Variants in GABRG3 observed in about 807,000 individuals in gnomAD.
The protein encoded by GABRG3 is gamma-aminobutyric acid receptor subunit gamma-3.
A neutral mutation model predicts 48.8 loss-of-function variants in GABRG3; 25 were observed. The observed-to-expected ratio is 0.51, with a 90% confidence interval of 0.37 to 0.72. The LOEUF is 0.72. GABRG3 is among the 30% of genes least tolerant of loss of function. The pLI is 0.00. For missense variants in GABRG3, 394 were observed against 577.9 expected (o/e 0.68, Z 3.26); for synonymous variants, 227 against 217.6 (o/e 1.04, Z -0.38).
intron 3 of GABRG3, among the ~76,000 whole-genome samples, chr15:27,070,347 G>A (rs994274267): frequency 1.4e-4 from 21 of 152,198 alleles, no homozygotes; most frequent in African/African-American, 5.1e-4. Context: ...ATGACCATAT[G>A]CCAAGTTGAA....
chr15:27,186,435 C>T (rs1053636140), intron 3 of GABRG3, among the ~76,000 whole-genome samples: 4 of 152,032 alleles, frequency 2.6e-5, no homozygotes, highest in African/African-American at 9.7e-5. Context: ...AAGTTGACTC[C>T]CTGTCATTGC....
At chr15:27,099,739 A>G (rs1294616694) in intron 3 of GABRG3, among the ~76,000 whole-genome samples, 2 of 152,138 alleles carry the variant, frequency 1.3e-5, no homozygotes, top group African/African-American at 2.4e-5. Flanking sequence ...AAAATGTTCA[A>G]GAATCCCTGG....
intron 3 of GABRG3, among the ~76,000 whole-genome samples, chr15:27,213,559 G>A (rs1185494899): frequency 6.6e-6 from 1 of 152,150 alleles, no homozygotes; most frequent in African/African-American, 2.4e-5. Flanking sequence ...TTTGAAAACT[G>A]GCCTGTTTCA....
intron 3 of GABRG3, among the ~76,000 whole-genome samples, chr15:27,210,626 C>T (rs952338251): frequency 1.2e-4 from 18 of 152,206 alleles, no homozygotes; most frequent in Non-Finnish European, 2.2e-4. Context: ...TCTCAGAGTG[C>T]ATGCAGACAG....
At chr15:27,383,889 G>A (rs902295060) in intron 5 of GABRG3, among the ~76,000 whole-genome samples, 8 of 152,086 alleles carry the variant, frequency 5.3e-5, no homozygotes, top group African/African-American at 1.2e-4. Context: ...TTCCATGTTC[G>A]TTTTCATAAT....
At chr15:27,503,300 C>T (rs75295962) in intron 6 of GABRG3, among the ~76,000 whole-genome samples, 14,867 of 152,138 alleles carry the variant, frequency 0.098, 1,366 homozygotes, top group East Asian at 0.33. Flanking sequence ...TGGGGAAAAG[C>T]GGACCACCAC....
chr15:27,145,665 T>TATCTGTCTATCTATCTATC, intron 3 of GABRG3, among the ~76,000 whole-genome samples: 3 of 138,444 alleles, frequency 2.2e-5, no homozygotes, highest in East Asian at 5.0e-4. Context: ...ATCTATCTAT[T>TATCTGTCTATCTATCTATC]GTGCCAGAAG....
chr15:27,524,894 C>T (rs542123978), intron 7 of GABRG3, among the ~76,000 whole-genome samples: 4 of 151,980 alleles, frequency 2.6e-5, no homozygotes, highest in African/African-American at 4.8e-5. Context: ...ATTGCTGGAA[C>T]GTACCAGTAA....
chr15:26,981,795 A>G (rs1895060278), intron 2 of GABRG3, among the ~76,000 whole-genome samples: 1 of 152,180 alleles, frequency 6.6e-6, no homozygotes, highest in Non-Finnish European at 1.5e-5. Flanking sequence ...ATAGCTTCCT[A>G]GCACTCACAC....
intron 5 of GABRG3, among the ~76,000 whole-genome samples, chr15:27,428,676 A>G (rs1350049515): frequency 6.6e-6 from 1 of 152,190 alleles, no homozygotes. Flanking sequence ...TAATTTGTCC[A>G]CCAGACAAAA....
At chr15:27,398,177 A>G (rs1024988089) in intron 5 of GABRG3, among the ~76,000 whole-genome samples, 3 of 152,212 alleles carry the variant, frequency 2.0e-5, no homozygotes, top group Admixed American at 1.3e-4. Context: ...TATATCACAT[A>G]TATGTCAAAG....
chr15:27,249,717 GA>G (rs1890394572), intron 3 of GABRG3, among the ~76,000 whole-genome samples: 1 of 152,128 alleles, frequency 6.6e-6, no homozygotes. Context: ...GATTTAAAAA[GA>G]TATCACCTTA....
intron 2 of GABRG3, among the ~76,000 whole-genome samples, chr15:27,006,664 A>G (rs528270575): frequency 6.6e-6 from 1 of 152,090 alleles, no homozygotes; most frequent in African/African-American, 2.4e-5. Context: ...TTTCATCTCT[A>G]CTTTCAAATA....
chr15:27,421,712 A>T lies in GABRG3; in HGVS notation c.575-58938A>T, dbSNP rs539527695. ...ATATCCAACAATACTGAGTGTTCTA[A>T]GGCATCCATGGGAGTGGGCTATAAA... On this transcript the variant is annotated intron_variant, in intron 5 of 9. Transcript: ENST00000615808. 3.3e-5 allele frequency among the ~76,000 whole-genome samples: 5 copies of T among 152,262 alleles called. No individual in the cohort carries two copies. The East Asian group carries it at 7.7e-4, about 24-fold the overall frequency.
intron 3 of GABRG3, among the ~76,000 whole-genome samples, chr15:27,084,667 G>A (rs1191421425): frequency 6.6e-6 from 1 of 152,184 alleles, no homozygotes; most frequent in Non-Finnish European, 1.5e-5. Context: ...TTTTCGTCAT[G>A]GGGACCAAAT....
intron 3 of GABRG3, among the ~76,000 whole-genome samples, chr15:27,043,626 T>C (rs1896314824): frequency 6.6e-6 from 1 of 152,242 alleles, no homozygotes. Context: ...CTCAGCTCGC[T>C]GGAACACTCA....
intron 6 of GABRG3, among the ~76,000 whole-genome samples, chr15:27,501,597 A>C (rs1890642266): frequency 6.6e-6 from 1 of 152,110 alleles, no homozygotes; most frequent in South Asian, 2.1e-4. Flanking sequence ...CTCACTCTTG[A>C]GTTGAATGGA....
At chr15:27,142,537 G>T (rs541338131) in intron 3 of GABRG3, among the ~76,000 whole-genome samples, 121 of 152,202 alleles carry the variant, frequency 7.9e-4, no homozygotes, top group Non-Finnish European at 1.6e-3. Context: ...CTCCTACCAG[G>T]TCCCTCCCAC....
chr15:27,318,217 A>G (rs1893299179), intron 3 of GABRG3, among the ~76,000 whole-genome samples: 1 of 152,212 alleles, frequency 6.6e-6, no homozygotes. Flanking sequence ...ATATTAAAAT[A>G]TAACCCAGTG....
Sources: allele counts gnomAD v4.1 joint callset (sites outside exome capture counted in the v4.1 genomes callset), GRCh38; gene constraint gnomAD v4.1.1; transcripts MANE v1.5; gene names NCBI Gene and HGNC (gene_info 2026-07-23, HGNC 2026-07-21).